Variants in RGMA observed in about 807,000 individuals in gnomAD.
The protein encoded by RGMA is repulsive guidance molecule A.
Under a neutral mutation model 23.2 loss-of-function variants are expected in RGMA, and 10 were observed. The ratio of observed to expected loss-of-function variants is 0.43; its 90% CI spans 0.27 to 0.73. The LOEUF (loss-of-function observed/expected upper bound fraction) is 0.73. Among genes scored for constraint, RGMA ranks in the 30% least tolerant of loss-of-function variants. RGMA has a pLI of 0.20. For synonymous variants in RGMA, 308 were observed against 279.3 expected, an observed-to-expected ratio of 1.10 and a Z score of -1.03; for missense variants, 547 against 630.5, an observed-to-expected ratio of 0.87 and a Z score of 1.42.
In RGMA at chr15:93,059,090, G is replaced by T. The variant is rs2055061109; in HGVS notation, c.131-6583C>A. Reference sequence around the variant, plus strand: ...ACACGGAGGCTTCGGGCTCGAGCGGGCCTGGGTCACACAAGTGGAAGGGCT... The same window carrying T: ...ACACGGAGGCTTCGGGCTCGAGCGGTCCTGGGTCACACAAGTGGAAGGGCT... On this transcript the variant is annotated intron_variant, in intron 2 of 3. Coordinates refer to ENST00000329082, the MANE Select transcript of RGMA (RefSeq NM_020211.3). Among the ~76,000 whole-genome samples the T allele has an allele frequency of 2.0e-5, 3 of 152,146 alleles. No homozygotes were observed. In the South Asian group the frequency reaches 6.2e-4, roughly 32 times the overall value.
Position 93,073,002 on chromosome 15 carries a change from C to A in RGMA, c.44G>T (p.Gly15Val). The change falls in exon 2 of 4, where the codon GGA (glycine) becomes GTA (valine). Residue 15 changes from glycine to valine, a missense_variant. Around this residue, in one of 3 missense-constraint regions of RGMA, gnomAD observed 214 missense variants for 234.7 expected, o/e 0.91. Coordinates refer to ENST00000329082, the MANE Select transcript of RGMA (RefSeq NM_020211.3). ...TGCCCCTCTCCCCATACCCATCCATCCAGCTCGGCCTGTTACCACTAGCCT... is the reference window on the plus strand; with the variant it reads ...TGCCCCTCTCCCCATACCCATCCATACAGCTCGGCCTGTTACCACTAGCCT... ...RERLVVTGRAGWMGMGRGAGR... is the reference protein window; with the variant it reads ...RERLVVTGRAVWMGMGRGAGR... 1.2e-6 allele frequency: 2 copies of A among 1,611,080 alleles called. No individual in the cohort carries two copies. The highest frequency in any genetic ancestry group is 1.7e-6 in the Non-Finnish European group (2 of 1,178,848).
Position 93,052,033 on chromosome 15 carries a change from G to C in RGMA, c.605C>G (p.Thr202Arg). 6.2e-7 allele frequency: 1 copy of C among 1,610,820 alleles called. No homozygotes were observed. The highest frequency in any genetic ancestry group is 8.5e-7 in the Non-Finnish European group (1 of 1,178,892). Reference protein sequence around the residue: ...NNYLNVQVTNTPVLPGSAATA... With the variant: ...NNYLNVQVTNRPVLPGSAATA... ...GGCCGCTGAGCCGGGCAGCACAGGC[G>C]TGTTGGTGACCTGCACGTTCAGGTA... is the stretch of plus-strand genomic sequence containing the variant. Residue 202 changes from threonine (T) to arginine (R), a missense_variant, in exon 3 of 4, where the codon ACG (threonine) becomes AGG (arginine). Transcript: ENST00000329082.
chr15:93,060,213 G>A (rs555645718), intron 2 of RGMA, among the ~76,000 whole-genome samples: 1 of 152,290 alleles, frequency 6.6e-6, no homozygotes, highest in African/African-American at 2.4e-5. Context: ...GCCACCCTCC[G>A]GCCCCTTGGT....
rs375505557 is a variant in RGMA, at chr15:93,049,622, CAAAT to C, written c.645+2367_645+2370del. Among the ~76,000 whole-genome samples the C allele has an allele frequency of 2.2e-4, 34 of 152,334 alleles. No individual in the cohort carries two copies. The East Asian group carries it at 4.8e-3, about 22-fold the overall frequency. On this transcript the variant is annotated intron_variant, in intron 3 of 3. Coordinates refer to ENST00000329082, the MANE Select transcript of RGMA (RefSeq NM_020211.3). ...CTGATACTGCCAGTATCATGAGAAA[CAAAT>C]AAAGGCCCCTAGTGATGCCCGGGTG...
rs1297293559 is a variant in RGMA, at chr15:93,036,792, C to G, written c.*8206G>C. ...GGCGCAGTGAGCGGTGGGGTGGACG[C>G]GTGCTCTCCTACCAGACCCTGCTTG... On this transcript the variant is annotated 3_prime_UTR_variant, in exon 4 of 4. Coordinates refer to ENST00000329082, the MANE Select transcript of RGMA (RefSeq NM_020211.3). The G allele has an allele frequency of 6.6e-6, 1 of 152,418 alleles. No homozygotes were observed. The highest frequency in any genetic ancestry group is 2.4e-5 in the African/African-American group (1 of 41,582). The allele number at this position is 152,418 out of a possible 1,614,324, so 9.4% of individuals were successfully genotyped here.
intron 1 of RGMA, chr15:93,073,722 G>C (rs1420434353): frequency 4.6e-6 from 7 of 1,537,092 alleles, no homozygotes; most frequent in Admixed American, 2.0e-5. Context: ...AACGCACCTC[G>C]AGGTTCCCGC....
At chr15:93,078,453 G>A (rs1487208875) in intron 1 of RGMA, among the ~76,000 whole-genome samples, 4 of 152,208 alleles carry the variant, frequency 2.6e-5, no homozygotes, top group African/African-American at 9.7e-5. Context: ...ACAACTCAGA[G>A]TGTGAGAACG....
At chr15:93,051,499 G>A (rs1439733538) in intron 3 of RGMA, among the ~76,000 whole-genome samples, 1 of 152,232 alleles carries the variant, frequency 6.6e-6, no homozygotes, top group Non-Finnish European at 1.5e-5. Context: ...GGGGAGGGAG[G>A]CCTGGGGTAG....
chr15:93,081,567 C>T (rs1895559343), intron 1 of RGMA, among the ~76,000 whole-genome samples: 1 of 152,230 alleles, frequency 6.6e-6, no homozygotes, highest in Admixed American at 6.5e-5. Flanking sequence ...GCTTATGTCT[C>T]CCCATTCCGG....
rs1596468265 is a variant in RGMA at position 93,038,593 on chromosome 15, T to G, written c.*6405A>C. ...TGTTTTTTTTTTTTTTTTGAGACGGTGTCTTGCTCTGTCGCCCAGGCTGGA... is the reference window on the plus strand; with the variant it reads ...TGTTTTTTTTTTTTTTTTGAGACGGGGTCTTGCTCTGTCGCCCAGGCTGGA... On this transcript the variant is annotated 3_prime_UTR_variant, in exon 4 of 4. Coordinates refer to ENST00000329082, the MANE Select transcript of RGMA (RefSeq NM_020211.3). The G allele has an allele frequency of 1.5e-5, 2 of 134,472 alleles. No homozygotes were observed. Among genetic ancestry groups the G allele is most frequent in the African/African-American group, 2.9e-5 (1 of 34,516 alleles). 8.3% of individuals were successfully genotyped at this position (134,472 alleles called of 1,614,324 possible).
chr15:93,079,562 G>C (rs1895525329), intron 1 of RGMA, among the ~76,000 whole-genome samples: 1 of 152,228 alleles, frequency 6.6e-6, no homozygotes, highest in African/African-American at 2.4e-5. Flanking sequence ...GCTCACACCT[G>C]TAATCCCGGC....
chr15:93,087,428 C>T (rs1480780736), intron 1 of RGMA, among the ~76,000 whole-genome samples: 1 of 108,252 alleles, frequency 9.2e-6, no homozygotes, highest in Non-Finnish European at 1.7e-5. Context: ...TTGTCACTTG[C>T]TGTGGTAACA....
At chr15:93,060,321 G>A (rs963486298) in intron 2 of RGMA, among the ~76,000 whole-genome samples, 1 of 152,194 alleles carries the variant, frequency 6.6e-6, no homozygotes, top group African/African-American at 2.4e-5. Context: ...TGCATGTCTT[G>A]TTTTGACCCA....
chr15:93,075,242 CA>C (rs1360049904), intron 1 of RGMA, among the ~76,000 whole-genome samples: 1 of 152,018 alleles, frequency 6.6e-6, no homozygotes, highest in Non-Finnish European at 1.5e-5. Flanking sequence ...AAATAAAATA[CA>C]TGTGCAGCAT....
intron 3 of RGMA, among the ~76,000 whole-genome samples, chr15:93,049,075 AGGG>A (rs2054875428): frequency 1.3e-5 from 2 of 152,136 alleles, no homozygotes; most frequent in Non-Finnish European, 2.9e-5. Flanking sequence ...AACAGCATGA[AGGG>A]GGCCTGTCGA....
At position 93,038,632 on chromosome 15, in the gene RGMA, TGGTGC is replaced by T. The variant is rs2054687958; in HGVS notation, c.*6361_*6365del. Reference sequence around the variant, plus strand: ...GCCCAGGCTGGAGGCTGGAGTGCAGTGGTGCGATCTCTGCTTGCTGCAAGTTCTGC... The same window carrying T: ...GCCCAGGCTGGAGGCTGGAGTGCAGTGATCTCTGCTTGCTGCAAGTTCTGC... On this transcript the variant is annotated 3_prime_UTR_variant, in exon 4 of 4. Coordinates refer to ENST00000329082, the MANE Select transcript of RGMA (RefSeq NM_020211.3). 6.9e-6 allele frequency: 1 copy of T among 145,832 alleles called. No individual in the cohort carries two copies. The highest frequency in any genetic ancestry group is 1.5e-5 in the Non-Finnish European group (1 of 66,898). The allele number at this position is 145,832 out of a possible 1,614,324, so 9.0% of individuals were successfully genotyped here.
intron 1 of RGMA, 45 bp from the exon 2 acceptor site, chr15:93,073,076 C>A: frequency 6.6e-7 from 1 of 1,508,162 alleles, no homozygotes; most frequent in Non-Finnish European, 8.9e-7. Flanking sequence ...AATCACGCTG[C>A]GAAGAAAGGG....
Position 93,051,977 on chromosome 15 carries a change from GC to G in RGMA, c.645+15del, listed in dbSNP as rs770945999. ...AAGGGCAGGGCTGTGCCCTACAGCC[GC>G]CCCCTCCCCCTTACCTTGCTGGTGG... is the stretch of plus-strand genomic sequence containing the variant. On this transcript the variant is annotated intron_variant, in intron 3 of 3. Transcript: ENST00000329082. 6.3e-7 allele frequency: 1 copy of G among 1,577,204 alleles called. No individual in the cohort carries two copies.
intron 1 of RGMA, among the ~76,000 whole-genome samples, chr15:93,086,550 G>C (rs889798045): frequency 6.6e-6 from 1 of 152,192 alleles, no homozygotes; most frequent in Non-Finnish European, 1.5e-5. Flanking sequence ...TAGACTCACA[G>C]AACACTGGCC....
Sources: gnomAD v4.1 joint callset for allele counts (sites outside exome capture counted in the v4.1 genomes callset) on GRCh38, gnomAD v4.1.1 for gene constraint, gnomAD v4.1.1 regional missense constraint, MANE v1.5 for transcripts, NCBI Gene and HGNC (gene_info 2026-07-23, HGNC 2026-07-21) for gene names.